The following PAN3 variants were observed in gnomAD, a reference collection of about 807,000 sequenced individuals.
PAN3 encodes the protein poly(A) specific ribonuclease subunit PAN3, also known as PAN2-PAN3 deadenylation complex subunit PAN3.
Under a neutral mutation model 96.2 loss-of-function variants are expected in PAN3, and 19 were observed. The ratio of observed to expected loss-of-function variants is 0.20; its 90% CI spans 0.14 to 0.29. The LOEUF is 0.29. Among genes scored for constraint, PAN3 ranks in the 10% least tolerant of loss-of-function variants. PAN3 has a pLI of 1.00. For synonymous variants in PAN3, 433 were observed against 406.6 expected (o/e 1.06, Z -0.78); for missense variants, 882 against 1,108.1 (o/e 0.80, Z 2.90).
rs45587939 is a variant in PAN3 at position 28,244,175 on chromosome 13, T to C, written c.1001-12117T>C. On this transcript the variant is annotated intron_variant, in intron 6 of 18. Coordinates refer to ENST00000380958, the MANE Select transcript of PAN3 (RefSeq NM_175854.8). The stretch of plus-strand genomic sequence containing the variant: ...TTTAAGAACTGTAGGTTAAGCAGAC[T>C]AGCCCTTTATTAAGTGTTGCAGGTA... Among the ~76,000 whole-genome samples, 208 of 152,320 alleles carry C rather than the reference T, an allele frequency of 1.4e-3. 1 individual carries two copies. The highest frequency in any genetic ancestry group is 2.7e-3 in the Admixed American group (42 of 15,298).
chr13:28,218,631 A>G (rs1881061899), intron 5 of PAN3, among the ~76,000 whole-genome samples: 1 of 152,132 alleles, frequency 6.6e-6, no homozygotes, highest in Admixed American at 6.5e-5. Context: ...GGTAGAATGG[A>G]CCTTCCCCTC....
intron 6 of PAN3, among the ~76,000 whole-genome samples, chr13:28,255,239 A>AT (rs981527169): frequency 5.9e-5 from 9 of 152,050 alleles, no homozygotes; most frequent in Admixed American, 2.0e-4. Context: ...GGATAAGCTT[A>AT]TTTTTTTCAG....
chr13:28,219,920 A>G (rs570928295), intron 5 of PAN3, among the ~76,000 whole-genome samples: 1 of 152,326 alleles, frequency 6.6e-6, no homozygotes, highest in Admixed American at 6.5e-5. Context: ...TTTTGAGGTA[A>G]TCTCAACCTC....
chr13:28,284,429 GTA>G (rs1216411924), intron 17 of PAN3, among the ~76,000 whole-genome samples: 10 of 138,436 alleles, frequency 7.2e-5, no homozygotes, highest in African/African-American at 2.7e-4. Flanking sequence ...GGAGACATTT[GTA>G]TATGTCTGTA....
intron 4 of PAN3, among the ~76,000 whole-genome samples, chr13:28,184,104 C>G (rs1215437669): frequency 6.6e-6 from 1 of 152,104 alleles, no homozygotes; most frequent in Non-Finnish European, 1.5e-5. Flanking sequence ...TGCCTTCTTC[C>G]TCACAGAAAC....
chr13:28,155,808 G>A (rs576890111), intron 1 of PAN3, among the ~76,000 whole-genome samples: 80 of 152,194 alleles, frequency 5.3e-4, no homozygotes, highest in African/African-American at 1.9e-3. Flanking sequence ...TTCGAAAGAT[G>A]TATGAGGCAT....
rs149093509 is a variant in PAN3 at position 28,174,286 on chromosome 13, G to A, written c.445G>A (p.Gly149Arg). The change falls in exon 2 of 19, where the codon GGA becomes AGA. Residue 149 changes from glycine to arginine, a missense_variant. Gly to Arg is a moderately radical substitution (Grantham distance 125, BLOSUM62 -2). Around this residue, in one of 3 missense-constraint regions of PAN3, gnomAD observed 442 missense variants for 422.8 expected, o/e 1.05. Coordinates refer to ENST00000380958, the MANE Select transcript of PAN3 (RefSeq NM_175854.8). ...GPRLAIPGMD[G>R]GALTDTSLTD... is the part of the protein sequence containing the mutation. ...TTCTCTTTCAGTTCCAGGAATGGAT[G>A]GAGGTGCTTTAACTGATACAAGTCT... The A allele has an allele frequency of 6.2e-7, 1 of 1,612,156 alleles. No homozygotes were observed. The highest frequency in any genetic ancestry group is 8.5e-7 in the Non-Finnish European group (1 of 1,178,492).
intron 6 of PAN3, among the ~76,000 whole-genome samples, chr13:28,253,899 C>T (rs1014883911): frequency 1.3e-5 from 2 of 152,068 alleles, no homozygotes; most frequent in African/African-American, 4.8e-5. Context: ...CTCTTGATAC[C>T]CTATAGTAAA....
chr13:28,165,601 T>C (rs1873438087), intron 1 of PAN3, among the ~76,000 whole-genome samples: 1 of 152,212 alleles, frequency 6.6e-6, no homozygotes, highest in Non-Finnish European at 1.5e-5. Context: ...AGATGTAGAT[T>C]CATATCTATA....
intron 14 of PAN3, among the ~76,000 whole-genome samples, chr13:28,272,933 G>A (rs1294514572): frequency 5.3e-5 from 8 of 152,152 alleles, no homozygotes; most frequent in African/African-American, 1.7e-4. Context: ...TTTAGGAAAC[G>A]TGTCCTAAGC....
At chr13:28,237,274 CAG>C in intron 6 of PAN3, among the ~76,000 whole-genome samples, 1 of 152,102 alleles carries the variant, frequency 6.6e-6, no homozygotes, top group African/African-American at 2.4e-5. Flanking sequence ...ATCAGCTTCA[CAG>C]AGTTTGGCAC....
At chr13:28,244,730 A>G (rs1010228840) in intron 6 of PAN3, among the ~76,000 whole-genome samples, 27 of 138,774 alleles carry the variant, frequency 1.9e-4, no homozygotes, top group East Asian at 8.6e-4. Context: ...ATTTTCTGCA[A>G]TTTCATCCTT....
chr13:28,286,690 C>G (rs908323921), intron 17 of PAN3, among the ~76,000 whole-genome samples: 1 of 152,084 alleles, frequency 6.6e-6, no homozygotes. Context: ...TTTTCTGATC[C>G]CTTTGTCCTT....
At chr13:28,287,723 A>G (rs544897486) in intron 17 of PAN3, among the ~76,000 whole-genome samples, 15 of 152,346 alleles carry the variant, frequency 9.8e-5, no homozygotes, top group Non-Finnish European at 2.1e-4. Flanking sequence ...CATTTTATCT[A>G]ATGGTAGGGG....
At chr13:28,208,248 A>T (rs1007625707) in intron 5 of PAN3, among the ~76,000 whole-genome samples, 1 of 152,206 alleles carries the variant, frequency 6.6e-6, no homozygotes, top group Non-Finnish European at 1.5e-5. Flanking sequence ...GGCTATGGAT[A>T]GAAGATATGC....
intron 1 of PAN3, among the ~76,000 whole-genome samples, chr13:28,156,598 C>A (rs1163273701): frequency 6.6e-6 from 1 of 152,144 alleles, no homozygotes; most frequent in East Asian, 1.9e-4. Flanking sequence ...CTGGCAGAGA[C>A]TCAACAAAAA....
chr13:28,211,240 A>G (rs984806070), intron 5 of PAN3, among the ~76,000 whole-genome samples: 1 of 152,042 alleles, frequency 6.6e-6, no homozygotes, highest in Non-Finnish European at 1.5e-5. Context: ...CACTTTAACA[A>G]GGCAAAAAAA....
chr13:28,145,410 C>T (rs1404586472), intron 1 of PAN3, among the ~76,000 whole-genome samples: 2 of 151,976 alleles, frequency 1.3e-5, no homozygotes, highest in East Asian at 1.9e-4. Flanking sequence ...CTGCAACCTC[C>T]GCCTCCTGGG....
At chr13:28,252,422 T>C (rs1445711139) in intron 6 of PAN3, among the ~76,000 whole-genome samples, 1 of 152,074 alleles carries the variant, frequency 6.6e-6, no homozygotes, top group Non-Finnish European at 1.5e-5. Context: ...TCTGTAATTA[T>C]TTTCCAGGAG....
Sources: gnomAD v4.1 joint callset for allele counts (sites outside exome capture counted in the v4.1 genomes callset) on GRCh38, gnomAD v4.1.1 for gene constraint, gnomAD v4.1.1 regional missense constraint, MANE v1.5 for transcripts, NCBI Gene and HGNC (gene_info 2026-07-23, HGNC 2026-07-21) for gene names.